Variants in UTRN observed in about 807,000 individuals in gnomAD.
UTRN encodes utrophin.
Under a neutral mutation model 463.9 loss-of-function variants are expected in UTRN, and 283 were observed. The observed-to-expected ratio is 0.61, with a 90% CI of 0.55 to 0.67. The LOEUF (loss-of-function observed/expected upper bound fraction) is 0.67, where lower values mean the gene tolerates loss of function less well. Ranked by LOEUF, UTRN falls within the 30% of genes least tolerant of loss-of-function variation. The pLI is 0.00. For missense variants in UTRN, 3,922 were observed against 4,084.3 expected (o/e 0.96, Z 1.08); for synonymous variants, 1,442 against 1,431.5 (o/e 1.01, Z -0.17).
At chr6:144,415,702 G>C (rs146913856) in intron 3 of UTRN, among the ~76,000 whole-genome samples, 2 of 152,312 alleles carry the variant, frequency 1.3e-5, no homozygotes, top group African/African-American at 4.8e-5. Context: ...GCCCATTAGG[G>C]TAAATCAGGG....
intron 14 of UTRN, among the ~76,000 whole-genome samples, chr6:144,445,351 C>CAA (rs11419379): frequency 0.19 from 20,138 of 106,190 alleles, 2,529 homozygotes; most frequent in East Asian, 0.31. Context: ...GACTCCCTCT[C>CAA]AAAAAAAAAA....
At chr6:144,577,386 A>G (rs1290535794) in intron 51 of UTRN, 98 bp downstream of exon 51, 1 of 1,242,508 alleles carries the variant, frequency 8.0e-7, no homozygotes, top group Non-Finnish European at 1.1e-6. Context: ...TGAAGTTGTC[A>G]CTTTATTCTC....
At chr6:144,329,941 T>C (rs1221531477) in intron 2 of UTRN, among the ~76,000 whole-genome samples, 1 of 152,192 alleles carries the variant, frequency 6.6e-6, no homozygotes, top group Non-Finnish European at 1.5e-5. Flanking sequence ...AGCTCTATGA[T>C]GGCATCTGGC....
rs1304268276 is a variant in UTRN, at chr6:144,748,497, C to A, written c.8191C>A (p.His2731Asn). ...GDLLIDSLQD[H>N]IEKIMAFREE... ...CTTACTCATTGACTCGCTGCAGGAT[C>A]ACATTGAAAAAATCATGGTCAGCAT... The change falls in exon 55 of 75, where the codon CAC (histidine) becomes AAC (asparagine). Residue 2731 changes from histidine (H) to asparagine (N), a missense_variant. Physicochemically the swap from His to Asn is moderately conservative, Grantham distance 68 (BLOSUM62 1). This residue lies in a region of UTRN where 1,309 missense variants were observed against 1,452.6 expected (regional missense o/e 0.90). Coordinates refer to ENST00000367545, the MANE Select transcript of UTRN (RefSeq NM_007124.3). 3 of 1,610,368 alleles carry A rather than the reference C, an allele frequency of 1.9e-6. No homozygotes were observed. The highest frequency in any genetic ancestry group is 1.7e-5 in the Admixed American group (1 of 59,184).
chr6:144,516,117 A>T (rs1030361809), intron 37 of UTRN, 112 bp from the exon 38 acceptor site: 1 of 1,083,624 alleles, frequency 9.2e-7, no homozygotes, highest in Non-Finnish European at 1.3e-6. Flanking sequence ...TGAGCTGAAT[A>T]GAAAAGTCAG....
chr6:144,635,668 T>C (rs1777100201), intron 51 of UTRN, among the ~76,000 whole-genome samples: 1 of 151,184 alleles, frequency 6.6e-6, no homozygotes, highest in East Asian at 2.0e-4. Flanking sequence ...GCCTCCTGAG[T>C]AGCTGGGACT....
chr6:144,517,494 C>A (rs995907144), intron 39 of UTRN, among the ~76,000 whole-genome samples: 1 of 151,932 alleles, frequency 6.6e-6, no homozygotes, highest in Non-Finnish European at 1.5e-5. Context: ...GCCACCATAT[C>A]CAGCTCCAGC....
In UTRN at chr6:144,836,332, G is replaced by T; in HGVS notation, c.9856G>T (p.Asp3286Tyr). 1 of 1,614,088 alleles carries T rather than the reference G, an allele frequency of 6.2e-7. No homozygotes were observed. The highest frequency in any genetic ancestry group is 1.1e-5 in the South Asian group (1 of 91,064). ...ACAGGTGGAGTATGAGCAGCTGAAG[G>T]ACCAGCACCTCCGAAGGGGGCTCCC... Reference protein sequence around the residue: ...NLQVEYEQLKDQHLRRGLPVG... With the variant: ...NLQVEYEQLKYQHLRRGLPVG... Residue 3286 changes from aspartate (D) to tyrosine (Y), a missense_variant, in exon 71 of 75, where the codon GAC becomes TAC. By Grantham distance (160) the Asp-to-Tyr change is radical (BLOSUM62 -3). Around this residue, in one of 3 missense-constraint regions of UTRN, gnomAD observed 1,309 missense variants for 1,452.6 expected, o/e 0.90. Transcript: ENST00000367545.
intron 70 of UTRN, 108 bp from the exon 71 acceptor site, chr6:144,836,193 T>G: frequency 6.5e-7 from 1 of 1,534,754 alleles, no homozygotes; most frequent in South Asian, 1.3e-5. Context: ...TAATACACAT[T>G]TTTATATAAG....
At chr6:144,573,342 G>T (rs193113896) in intron 50 of UTRN, among the ~76,000 whole-genome samples, 2 of 151,804 alleles carry the variant, frequency 1.3e-5, no homozygotes, top group Admixed American at 6.6e-5. Context: ...ACTTGAAGTT[G>T]GGAGTTCAAG....
intron 2 of UTRN, among the ~76,000 whole-genome samples, chr6:144,377,759 TA>T (rs1374913995): frequency 2.0e-5 from 3 of 152,192 alleles, no homozygotes; most frequent in Non-Finnish European, 4.4e-5. Flanking sequence ...TACTGGAAGT[TA>T]AAAGACAGGG....
intron 2 of UTRN, among the ~76,000 whole-genome samples, chr6:144,363,714 A>T (rs75408467): frequency 0.011 from 1,676 of 152,278 alleles, 32 homozygotes; most frequent in African/African-American, 0.037. Context: ...TCAAAAGGTG[A>T]GGGTGGGATG....
intron 2 of UTRN, among the ~76,000 whole-genome samples, chr6:144,380,340 G>A (rs537154669): frequency 3.9e-5 from 6 of 152,300 alleles, no homozygotes; most frequent in African/African-American, 1.4e-4. Flanking sequence ...CTAGGAGGAT[G>A]TATATAAACC....
Position 144,699,449 on chromosome 6 carries a change from AAT to A in UTRN, c.7653-636_7653-635del, listed in dbSNP as rs1554344227. On this transcript the variant is annotated intron_variant, in intron 52 of 74. Transcript: ENST00000367545. ...AGCAATACTCTGTCTCAAAAAAAAAAATAATAATAATAATTAGTCAGTGGTTT... is the reference window on the plus strand; with the variant it reads ...AGCAATACTCTGTCTCAAAAAAAAAAAATAATAATAATTAGTCAGTGGTTT... Among the ~76,000 whole-genome samples, 148 of 115,874 alleles carry A rather than the reference AAT, an allele frequency of 1.3e-3. 3 individuals are homozygous for A. Among genetic ancestry groups the A allele is most frequent in the Middle Eastern group, 8.1e-3 (2 of 246 alleles). The allele number at this position is 115,874 out of a possible 152,430, so 76.0% of individuals were successfully genotyped here.
At chr6:144,650,556 A>G (rs1409549724) in intron 51 of UTRN, among the ~76,000 whole-genome samples, 1 of 152,190 alleles carries the variant, frequency 6.6e-6, no homozygotes, top group Non-Finnish European at 1.5e-5. Flanking sequence ...GAGCATTGCT[A>G]TTTTAGGAAT....
rs1210550996 is a variant in UTRN, at chr6:144,286,234, G to A, written c.-93+413G>A. On this transcript the variant is annotated intron_variant, in intron 1 of 74. Coordinates refer to ENST00000367545, the MANE Select transcript of UTRN (RefSeq NM_007124.3). The surrounding 1 kb of genome is among the most constrained non-coding windows in gnomAD (Gnocchi z 4.4). Reference sequence around the variant, plus strand: ...CCAGTGATTTGCAAGAGGGGACGTGGCCTCTTAGGAGAGTCTGTCACAGAC... The same window carrying A: ...CCAGTGATTTGCAAGAGGGGACGTGACCTCTTAGGAGAGTCTGTCACAGAC... Among the ~76,000 whole-genome samples, 2 of 151,152 alleles carry A rather than the reference G, an allele frequency of 1.3e-5. No individual in the cohort carries two copies. The highest frequency in any genetic ancestry group is 5.0e-5 in the African/African-American group (2 of 40,400).
intron 66 of UTRN, among the ~76,000 whole-genome samples, chr6:144,826,792 G>A (rs1780226348): frequency 6.6e-6 from 1 of 152,108 alleles, no homozygotes; most frequent in Non-Finnish European, 1.5e-5. Context: ...TGGTATCTAG[G>A]TTGCATGTTT....
rs558013952 is a variant in UTRN, at chr6:144,419,767, G to C, written c.142-2111G>C. The stretch of plus-strand genomic sequence containing the variant: ...CACTCCCTGGCTTGCAGTGGTCTTG[G>C]GGTCTCTCTCTCCTCTGTGCTTCTA... On this transcript the variant is annotated intron_variant, in intron 3 of 74. Transcript: ENST00000367545. Among the ~76,000 whole-genome samples the C allele has an allele frequency of 1.4e-4, 21 of 152,244 alleles. No homozygotes were observed. The East Asian group carries it at 3.5e-3, about 25-fold the overall frequency.
At chr6:144,343,744 AAAT>A (rs1435946887) in intron 2 of UTRN, among the ~76,000 whole-genome samples, 1 of 152,138 alleles carries the variant, frequency 6.6e-6, no homozygotes, top group Non-Finnish European at 1.5e-5. Flanking sequence ...TACTATAGTG[AAAT>A]AATAAGTCCA....
Sources: allele counts gnomAD v4.1 joint callset (sites outside exome capture counted in the v4.1 genomes callset), GRCh38; gene constraint gnomAD v4.1.1; regional missense constraint gnomAD v4.1.1; non-coding constraint Gnocchi (gnomAD v3.1); transcripts MANE v1.5; gene names NCBI Gene and HGNC (gene_info 2026-07-23, HGNC 2026-07-21).